The following SLIT3 variants were observed in gnomAD, a reference collection of about 807,000 sequenced individuals.
The protein encoded by SLIT3 is slit homolog 3 protein.
A neutral mutation model predicts 184.0 loss-of-function variants in SLIT3; 68 were observed. The ratio of observed to expected loss-of-function variants is 0.37; its 90% CI spans 0.30 to 0.45. The LOEUF is 0.45. Among genes scored for constraint, SLIT3 ranks in the 20% least tolerant of loss-of-function variants. The pLI, the probability that SLIT3 is intolerant of heterozygous loss-of-function variation, is 1.00. For synonymous variants in SLIT3, 831 were observed against 828.6 expected, an observed-to-expected ratio of 1.00 and a Z score of -0.05; for missense variants, 1,707 against 2,026.0, an observed-to-expected ratio of 0.84 and a Z score of 3.02.
chr5:168,952,990 G>T (rs574954966), intron 4 of SLIT3, among the ~76,000 whole-genome samples: 13 of 152,314 alleles, frequency 8.5e-5, no homozygotes, highest in African/African-American at 3.1e-4. Flanking sequence ...ACCTAACAAG[G>T]TTTTTGCTGA....
intron 3 of SLIT3, among the ~76,000 whole-genome samples, chr5:169,209,958 T>G (rs1764205993): frequency 6.6e-6 from 1 of 151,434 alleles, no homozygotes; most frequent in South Asian, 2.1e-4. Context: ...AAAAAAATTA[T>G]AAAATTCAAT....
intron 4 of SLIT3, among the ~76,000 whole-genome samples, chr5:169,107,411 A>G (rs144563083): frequency 3.9e-5 from 6 of 152,324 alleles, no homozygotes; most frequent in African/African-American, 1.4e-4. Context: ...TAAGAGCTGT[A>G]TATCACTGGT....
At chr5:169,209,958 T>A (rs1764205993) in intron 3 of SLIT3, among the ~76,000 whole-genome samples, 1 of 151,434 alleles carries the variant, frequency 6.6e-6, no homozygotes, top group South Asian at 2.1e-4. Context: ...AAAAAAATTA[T>A]AAAATTCAAT....
At chr5:169,265,515 G>A (rs1766363872) in intron 1 of SLIT3, among the ~76,000 whole-genome samples, 1 of 152,082 alleles carries the variant, frequency 6.6e-6, no homozygotes. Context: ...ATCTTTTTTC[G>A]CATCAGAGTT....
At chr5:168,858,238 C>T (rs574223248) in intron 5 of SLIT3, among the ~76,000 whole-genome samples, 3 of 152,298 alleles carry the variant, frequency 2.0e-5, no homozygotes, top group African/African-American at 7.2e-5. Flanking sequence ...CCAAATGGAG[C>T]GACTCACTGA....
chr5:169,115,514 CT>C, intron 4 of SLIT3, among the ~76,000 whole-genome samples: 1 of 152,128 alleles, frequency 6.6e-6, no homozygotes, highest in East Asian at 1.9e-4. Context: ...CACGAGGAAA[CT>C]GAGACACAGG....
intron 4 of SLIT3, among the ~76,000 whole-genome samples, chr5:169,163,119 G>A (rs1333858787): frequency 6.6e-6 from 1 of 152,022 alleles, no homozygotes; most frequent in African/African-American, 2.4e-5. Context: ...TCAGGTGTTC[G>A]AGACCAGCCC....
At chr5:169,244,602 T>C in intron 3 of SLIT3, 103 bp downstream of exon 3, 1 of 973,142 alleles carries the variant, frequency 1.0e-6, no homozygotes, top group South Asian at 1.4e-5. Context: ...GGAGACCTTT[T>C]TTAACAAGGT....
At chr5:169,220,500 A>C (rs1283477068) in intron 3 of SLIT3, among the ~76,000 whole-genome samples, 4 of 152,136 alleles carry the variant, frequency 2.6e-5, no homozygotes, top group Non-Finnish European at 5.9e-5. Flanking sequence ...ACTATGGATA[A>C]GGCTGGCTCT....
chr5:169,236,478 GTTT>G (rs56961775), intron 3 of SLIT3, among the ~76,000 whole-genome samples: 16 of 143,642 alleles, frequency 1.1e-4, no homozygotes, highest in Admixed American at 1.4e-4. Context: ...GTTTTGTTTT[GTTT>G]TTTTTTTTTT....
intron 4 of SLIT3, among the ~76,000 whole-genome samples, chr5:168,927,513 T>C (rs1224711861): frequency 2.0e-5 from 3 of 152,234 alleles, no homozygotes; most frequent in African/African-American, 7.2e-5. Context: ...AAATCTTATG[T>C]TATTTGCATT....
intron 2 of SLIT3, among the ~76,000 whole-genome samples, chr5:169,249,531 CTT>C (rs1262871949): frequency 2.0e-5 from 3 of 151,946 alleles, no homozygotes; most frequent in Non-Finnish European, 4.4e-5. Context: ...TTGTTTTTGA[CTT>C]TGTTAGAAAA....
intron 4 of SLIT3, among the ~76,000 whole-genome samples, chr5:169,004,130 T>A (rs1755822662): frequency 6.6e-6 from 1 of 152,128 alleles, no homozygotes; most frequent in Non-Finnish European, 1.5e-5. Flanking sequence ...TTGAAAGGAC[T>A]TTTGGCTAGA....
rs906752060 is a variant in SLIT3, at chr5:168,805,385, G to T, written c.935+1061C>A. ...GGGGAGATTACGACAAAGCAGAAAG[G>T]CAAGGGGAATATGTATCTTTTATTT... is the stretch of plus-strand genomic sequence containing the variant. On this transcript the variant is annotated intron_variant, in intron 9 of 35. Transcript: ENST00000519560. Among the ~76,000 whole-genome samples the T allele has an allele frequency of 7.9e-5, 12 of 152,272 alleles. No homozygotes were observed. The South Asian group carries it at 2.3e-3, about 29-fold the overall frequency.
At chr5:168,879,020 C>T (rs1015057442) in intron 5 of SLIT3, among the ~76,000 whole-genome samples, 1 of 152,182 alleles carries the variant, frequency 6.6e-6, no homozygotes, top group Non-Finnish European at 1.5e-5. Context: ...TGGCCACAGC[C>T]TCTTCTTTCT....
chr5:168,734,016 G>A (rs1007347543), intron 20 of SLIT3, among the ~76,000 whole-genome samples: 1 of 152,072 alleles, frequency 6.6e-6, no homozygotes, highest in African/African-American at 2.4e-5. Flanking sequence ...GTAGAATAAT[G>A]GACACTGGAG....
At chr5:168,799,336 T>C (rs1316896194) in intron 9 of SLIT3, among the ~76,000 whole-genome samples, 3 of 152,260 alleles carry the variant, frequency 2.0e-5, no homozygotes, top group African/African-American at 7.2e-5. Context: ...CTCTCTTAAC[T>C]GGCACATGTG....
At chr5:168,802,619 C>T (rs768579226) in intron 9 of SLIT3, among the ~76,000 whole-genome samples, 16 of 152,312 alleles carry the variant, frequency 1.1e-4, no homozygotes, top group Admixed American at 2.6e-4. Context: ...TAGCCTAGTT[C>T]CAGAACCTAT....
At chr5:169,158,508 A>G (rs1188729229) in intron 4 of SLIT3, among the ~76,000 whole-genome samples, 3 of 152,206 alleles carry the variant, frequency 2.0e-5, no homozygotes, top group Non-Finnish European at 4.4e-5. Context: ...GAAAATGACT[A>G]TTAGAATATT....
Sources: allele counts gnomAD v4.1 joint callset (sites outside exome capture counted in the v4.1 genomes callset), GRCh38; gene constraint gnomAD v4.1.1; transcripts MANE v1.5; gene names NCBI Gene and HGNC (gene_info 2026-07-23, HGNC 2026-07-21).